Variants in AKR1C8 observed in about 807,000 individuals in gnomAD.
AKR1C8 encodes aldo-keto reductase family 1 member C-like protein 1.
chr10:5,122,084 A>C, the AKR1C8 span: 299,855 of 349,772 alleles, frequency 0.86, 129,075 homozygotes, highest in African/African-American at 0.96. Context: ...GCATCACTTA[A>C]AATTGTAACT....
chr10:5,124,991 T>TA, the AKR1C8 span, among the ~76,000 whole-genome samples: 9,580 of 145,468 alleles, frequency 0.066, 347 homozygotes, highest in Middle Eastern at 0.089. Flanking sequence ...TTTGAAAACG[T>TA]AAAAAAAAAA....
chr10:5,174,282 A>T, the AKR1C8 span, among the ~76,000 whole-genome samples: 2 of 27,552 alleles, frequency 7.3e-5, no homozygotes, highest in Non-Finnish European at 1.1e-4. Flanking sequence ...TGATGTCTAT[A>T]AAAAAAAAAA....
chr10:5,132,722 A>C, the AKR1C8 span: 1 of 1,554,516 alleles, frequency 6.4e-7, no homozygotes, highest in Non-Finnish European at 8.8e-7. Flanking sequence ...GGAAGAAACC[A>C]GCTTCTATTG....
the AKR1C8 span, among the ~76,000 whole-genome samples, chr10:5,163,958 G>A: frequency 6.6e-6 from 1 of 151,962 alleles, no homozygotes; most frequent in Non-Finnish European, 1.5e-5. Flanking sequence ...TAACCAACAG[G>A]CTTCTAGAAA....
chr10:5,159,740 C>T, the AKR1C8 span: 26 of 458,866 alleles, frequency 5.7e-5, no homozygotes, highest in South Asian at 4.2e-4. Flanking sequence ...TCAAATTGCT[C>T]TTTCTCTGGT....
the AKR1C8 span, chr10:5,159,944 T>G: frequency 1.6e-5 from 8 of 494,402 alleles, no homozygotes; most frequent in Admixed American, 1.3e-4. Context: ...CAGCAGCTTG[T>G]GATTGAAATT....
chr10:5,150,502 A>G, the AKR1C8 span, among the ~76,000 whole-genome samples: 1 of 152,100 alleles, frequency 6.6e-6, no homozygotes, highest in Non-Finnish European at 1.5e-5. Flanking sequence ...AAAGTTAAAC[A>G]CTATTTCATA....
At chr10:5,118,873 C>G in the AKR1C8 span, among the ~76,000 whole-genome samples, 1 of 151,970 alleles carries the variant, frequency 6.6e-6, no homozygotes, top group Non-Finnish European at 1.5e-5. Flanking sequence ...AGTAAACATG[C>G]CTTCCATTCC....
chr10:5,119,696 A>G, the AKR1C8 span, among the ~76,000 whole-genome samples: 3 of 152,280 alleles, frequency 2.0e-5, no homozygotes, highest in African/African-American at 7.2e-5. Context: ...CTCACCAAAT[A>G]CAGAGATCCT....
At chr10:5,175,308 T>C in the AKR1C8 span, among the ~76,000 whole-genome samples, 6 of 152,136 alleles carry the variant, frequency 3.9e-5, no homozygotes, top group African/African-American at 1.4e-4. Context: ...CATGAACTCA[T>C]CATTTTTTAT....
At chr10:5,177,493 TA>T in the AKR1C8 span, among the ~76,000 whole-genome samples, 20 of 152,336 alleles carry the variant, frequency 1.3e-4, no homozygotes, top group African/African-American at 4.8e-4. Flanking sequence ...GCTGGCCTCG[TA>T]AAATGAGTTA....
At chr10:5,130,434 A>T in the AKR1C8 span, among the ~76,000 whole-genome samples, 1 of 151,958 alleles carries the variant, frequency 6.6e-6, no homozygotes, top group African/African-American at 2.4e-5. Flanking sequence ...AGAGAAATCA[A>T]GAAAGAAAAA....
At chr10:5,175,093 T>C in the AKR1C8 span, among the ~76,000 whole-genome samples, 1 of 151,570 alleles carries the variant, frequency 6.6e-6, no homozygotes, top group Non-Finnish European at 1.5e-5. Flanking sequence ...GCATTAGGTA[T>C]ATCTCCTAAT....
the AKR1C8 span, chr10:5,154,189 G>A: frequency 4.3e-6 from 2 of 470,234 alleles, no homozygotes; most frequent in Non-Finnish European, 8.8e-6. Flanking sequence ...AGCACTGAAA[G>A]AGAAAAAATA....
At chr10:5,177,220 C>T in the AKR1C8 span, among the ~76,000 whole-genome samples, 2 of 151,928 alleles carry the variant, frequency 1.3e-5, no homozygotes, top group Non-Finnish European at 2.9e-5. Context: ...GCCTTTTCTG[C>T]ATCTATTGAG....
the AKR1C8 span, among the ~76,000 whole-genome samples, chr10:5,152,904 A>G: frequency 1.4e-3 from 213 of 152,134 alleles, no homozygotes; most frequent in African/African-American, 4.4e-3. Context: ...GACAGTAAAC[A>G]TGTCTTCATT....
chr10:5,143,178 A>T, the AKR1C8 span, among the ~76,000 whole-genome samples: 1 of 152,144 alleles, frequency 6.6e-6, no homozygotes, highest in Non-Finnish European at 1.5e-5. Context: ...AATATGGGAA[A>T]CAACCCTTCT....
At chr10:5,116,327 C>T in the AKR1C8 span, among the ~76,000 whole-genome samples, 31 of 152,172 alleles carry the variant, frequency 2.0e-4, no homozygotes, top group East Asian at 3.3e-3. Flanking sequence ...CCGGTGGCAG[C>T]GTTCTTCCCT....
chr10:5,124,265 A>G, the AKR1C8 span, among the ~76,000 whole-genome samples: 1 of 152,208 alleles, frequency 6.6e-6, no homozygotes, highest in Non-Finnish European at 1.5e-5. Context: ...AAAAACAATA[A>G]TAAGTAAAAT....
Sources: gnomAD v4.1 joint callset for allele counts (sites outside exome capture counted in the v4.1 genomes callset) on GRCh38, gnomAD v4.1.1 for gene constraint, MANE v1.5 for transcripts, NCBI Gene and HGNC (gene_info 2026-07-23, HGNC 2026-07-21) for gene names.